Variants in C8orf34 observed in about 807,000 individuals in gnomAD.
C8orf34 encodes chromosome 8 open reading frame 34.
Under a neutral mutation model 68.3 loss-of-function variants are expected in C8orf34, and 65 were observed. The observed-to-expected ratio is 0.95, with a 90% confidence interval of 0.78 to 1.17. The LOEUF (loss-of-function observed/expected upper bound fraction) is 1.17. Ranked by LOEUF, C8orf34 falls within the 50% of genes most tolerant of loss-of-function variation. The probability of loss-of-function intolerance (pLI) is 0.00; values close to 1 mark genes in which losing one functional copy is unlikely to be tolerated. For missense variants in C8orf34, 664 were observed against 655.4 expected (o/e 1.01, Z -0.14); for synonymous variants, 244 against 241.2 (o/e 1.01, Z -0.11).
intron 7 of C8orf34, among the ~76,000 whole-genome samples, chr8:68,574,026 C>T (rs1816829966): frequency 6.6e-6 from 1 of 152,240 alleles, no homozygotes; most frequent in Admixed American, 6.5e-5. Context: ...CTGATTTAAA[C>T]TTTACCCATT....
chr8:68,396,225 C>T (rs16934573), intron 1 of C8orf34, among the ~76,000 whole-genome samples: 6,251 of 151,916 alleles, frequency 0.041, 205 homozygotes, highest in African/African-American at 0.089. Context: ...GTTTGACATA[C>T]GATTTTAAAA....
chr8:68,625,920 C>A (rs1392228054), intron 7 of C8orf34, among the ~76,000 whole-genome samples: 1 of 152,098 alleles, frequency 6.6e-6, no homozygotes, highest in East Asian at 1.9e-4. Context: ...AGAACCTTGA[C>A]AAATGTGACT....
intron 2 of C8orf34, 134 bp downstream of exon 2, chr8:68,439,780 C>T (rs1487671356): frequency 1.4e-6 from 1 of 737,054 alleles, no homozygotes. Context: ...CTGACCTTAC[C>T]TAGATGCTAA....
At chr8:68,775,576 T>A (rs1483384400) in intron 10 of C8orf34, among the ~76,000 whole-genome samples, 5 of 152,196 alleles carry the variant, frequency 3.3e-5, no homozygotes, top group Non-Finnish European at 7.3e-5. Flanking sequence ...ACTAATAGGT[T>A]AAGAAAGACT....
chr8:68,418,589 G>C (rs1809788159), intron 1 of C8orf34, among the ~76,000 whole-genome samples: 2 of 152,206 alleles, frequency 1.3e-5, no homozygotes, highest in South Asian at 4.1e-4. Context: ...TTATATGCTG[G>C]ATTACAGTAA....
intron 8 of C8orf34, among the ~76,000 whole-genome samples, chr8:68,644,660 G>T (rs1819112325): frequency 6.6e-6 from 1 of 152,180 alleles, no homozygotes; most frequent in Non-Finnish European, 1.5e-5. Context: ...GCCAGTGGGA[G>T]AAGGATCCAG....
At chr8:68,554,537 A>C (rs1448100550) in intron 7 of C8orf34, among the ~76,000 whole-genome samples, 1 of 152,156 alleles carries the variant, frequency 6.6e-6, no homozygotes, top group Non-Finnish European at 1.5e-5. Context: ...GCTGCTATTC[A>C]TGGTCCTTAA....
chr8:68,736,199 G>C (rs778629736), intron 10 of C8orf34, among the ~76,000 whole-genome samples: 17 of 152,152 alleles, frequency 1.1e-4, no homozygotes, highest in Non-Finnish European at 2.1e-4. Flanking sequence ...GTCGACTTTT[G>C]ATGTGTTTTC....
chr8:68,433,180 T>G (rs1171595466), intron 1 of C8orf34, among the ~76,000 whole-genome samples: 1 of 152,134 alleles, frequency 6.6e-6, no homozygotes, highest in Admixed American at 6.6e-5. Flanking sequence ...CAAATGCAAA[T>G]TTTTAATAGA....
chr8:68,335,864 G>A (rs1476904149), intron 1 of C8orf34, among the ~76,000 whole-genome samples: 1 of 152,142 alleles, frequency 6.6e-6, no homozygotes, highest in Non-Finnish European at 1.5e-5. Context: ...TGGATCACTT[G>A]AGGTCAGGAG....
chr8:68,544,972 T>C (rs778600772), intron 7 of C8orf34, among the ~76,000 whole-genome samples: 72 of 152,254 alleles, frequency 4.7e-4, no homozygotes, highest in Non-Finnish European at 8.2e-4. Context: ...AAAAACATTT[T>C]AAGAAATAAT....
chr8:68,371,145 G>C (rs1044577846), intron 1 of C8orf34, among the ~76,000 whole-genome samples: 3 of 152,124 alleles, frequency 2.0e-5, no homozygotes, highest in African/African-American at 7.2e-5. Context: ...TGGGGTCCAA[G>C]ATTTTCAGTT....
At chr8:68,684,785 T>TAA (rs57249629) in intron 8 of C8orf34, among the ~76,000 whole-genome samples, 5 of 150,998 alleles carry the variant, frequency 3.3e-5, no homozygotes, top group African/African-American at 1.2e-4. Context: ...GGCTGCTTAT[T>TAA]AAAAAAAAAA....
Position 68,500,354 on chromosome 8 carries a change from A to G in C8orf34, c.765+12303A>G, listed in dbSNP as rs142516900. Among the ~76,000 whole-genome samples, 186 of 152,322 alleles carry G rather than the reference A, an allele frequency of 1.2e-3. 1 individual carries two copies. In the East Asian group the frequency reaches 0.022, roughly 18 times the overall value. The stretch of plus-strand genomic sequence containing the variant: ...AAACATGAAGGTCATAGATCAAAGA[A>G]AGCCTGAAAACTTTCAGGTTAAAGG... On this transcript the variant is annotated intron_variant, in intron 5 of 13. Coordinates refer to ENST00000518698, the MANE Select transcript of C8orf34 (RefSeq NM_052958.4).
intron 1 of C8orf34, among the ~76,000 whole-genome samples, chr8:68,419,921 A>G (rs1278334942): frequency 1.3e-5 from 2 of 150,368 alleles, no homozygotes; most frequent in Non-Finnish European, 3.0e-5. Context: ...TGGCACATGT[A>G]TACATATGTA....
chr8:68,613,927 T>G (rs1818108714), intron 7 of C8orf34, among the ~76,000 whole-genome samples: 1 of 152,124 alleles, frequency 6.6e-6, no homozygotes, highest in South Asian at 2.1e-4. Context: ...GTGTTCCTAT[T>G]TCTCCACATC....
chr8:68,401,588 A>T (rs1355718510), intron 1 of C8orf34, among the ~76,000 whole-genome samples: 1 of 151,538 alleles, frequency 6.6e-6, no homozygotes, highest in Non-Finnish European at 1.5e-5. Context: ...TCATAAGGGG[A>T]TGCTGAATTT....
intron 10 of C8orf34, among the ~76,000 whole-genome samples, chr8:68,746,946 G>C (rs1296570861): frequency 2.6e-5 from 4 of 151,426 alleles, no homozygotes; most frequent in African/African-American, 9.7e-5. Flanking sequence ...GAGAATTTTA[G>C]ACCAATATCC....
intron 7 of C8orf34, among the ~76,000 whole-genome samples, chr8:68,567,388 G>A (rs575890473): frequency 6.6e-6 from 1 of 151,870 alleles, no homozygotes; most frequent in South Asian, 2.1e-4. Flanking sequence ...ATCTCTTCTG[G>A]CTTTTCTAGC....
Sources: allele counts gnomAD v4.1 joint callset (sites outside exome capture counted in the v4.1 genomes callset), GRCh38; gene constraint gnomAD v4.1.1; transcripts MANE v1.5; gene names NCBI Gene and HGNC (gene_info 2026-07-23, HGNC 2026-07-21).